Variants in CSMD3 observed in about 807,000 individuals in gnomAD.
CSMD3 encodes the protein CUB and sushi domain-containing protein 3.
A neutral mutation model predicts 435.2 loss-of-function variants in CSMD3; 177 were observed. That is an observed-to-expected ratio of 0.41 (90% CI 0.36 to 0.46). CSMD3 has a LOEUF of 0.46. CSMD3 is among the 20% of genes least tolerant of loss of function. The pLI, the probability that CSMD3 is intolerant of heterozygous loss-of-function variation, is 0.34. For synonymous variants in CSMD3, 1,656 were observed against 1,520.5 expected (o/e 1.09, Z -2.07); for missense variants, 4,265 against 4,504.6 (o/e 0.95, Z 1.52).
At chr8:113,192,985 T>C (rs2092606849) in intron 3 of CSMD3, among the ~76,000 whole-genome samples, 1 of 151,532 alleles carries the variant, frequency 6.6e-6, no homozygotes, top group African/African-American at 2.4e-5. Flanking sequence ...GTAGTGATTG[T>C]CTTGATTGCT....
At chr8:113,056,178 C>T (rs568518053) in intron 5 of CSMD3, among the ~76,000 whole-genome samples, 1 of 152,306 alleles carries the variant, frequency 6.6e-6, no homozygotes, top group South Asian at 2.1e-4. Context: ...ACAGAGGAAA[C>T]AGTGCTTGAG....
intron 41 of CSMD3, among the ~76,000 whole-genome samples, chr8:112,342,382 ATTAAT>A (rs1825209126): frequency 6.6e-6 from 1 of 152,122 alleles, no homozygotes; most frequent in Non-Finnish European, 1.5e-5. Flanking sequence ...TATTTGCTTA[ATTAAT>A]TTAACACTCA....
rs1385903908 is a variant in CSMD3 at position 112,337,536 on chromosome 8, A to C, written c.6841+7T>G. 2.5e-6 allele frequency: 4 copies of C among 1,610,804 alleles called. No individual in the cohort carries two copies. Among genetic ancestry groups the C allele is most frequent in the Non-Finnish European group, 3.4e-6 (4 of 1,177,120 alleles). ...ACCTAAAAGATAGCTTCAAGTTAGA[A>C]GCATACCTTCACACCTTGGAAGTGG... On this transcript the variant is annotated splice_region_variant and intron_variant, in intron 43 of 70. Coordinates refer to ENST00000297405, the MANE Select transcript of CSMD3 (RefSeq NM_198123.2).
chr8:112,732,368 A>G (rs1213446019), intron 13 of CSMD3, among the ~76,000 whole-genome samples: 2 of 152,082 alleles, frequency 1.3e-5, no homozygotes, highest in African/African-American at 4.8e-5. Flanking sequence ...TCACTAACTG[A>G]TAGTGGTTTT....
intron 1 of CSMD3, among the ~76,000 whole-genome samples, chr8:113,386,156 A>C (rs569563929): frequency 6.6e-6 from 1 of 152,044 alleles, no homozygotes; most frequent in Non-Finnish European, 1.5e-5. Context: ...ATGGAAATGC[A>C]GGAGAAGATG....
At chr8:113,163,382 G>C (rs2092082783) in intron 4 of CSMD3, among the ~76,000 whole-genome samples, 1 of 151,992 alleles carries the variant, frequency 6.6e-6, no homozygotes, top group African/African-American at 2.4e-5. Flanking sequence ...CTGTGTGTGT[G>C]AGAAATGCAA....
At chr8:113,399,981 T>C (rs1022960905) in intron 1 of CSMD3, among the ~76,000 whole-genome samples, 8 of 151,654 alleles carry the variant, frequency 5.3e-5, no homozygotes, top group African/African-American at 1.9e-4. Context: ...TATATATCAC[T>C]TTTGGTTAGA....
Position 112,506,507 on chromosome 8 carries a change from AAT to A in CSMD3, c.4895+182_4895+183del, listed in dbSNP as rs759482924. Among the ~76,000 whole-genome samples the A allele has an allele frequency of 4.6e-5, 7 of 152,280 alleles. No individual in the cohort carries two copies. The East Asian group carries it at 7.7e-4, about 17-fold the overall frequency. On this transcript the variant is annotated intron_variant, in intron 29 of 70. Coordinates refer to ENST00000297405, the MANE Select transcript of CSMD3 (RefSeq NM_198123.2). The stretch of plus-strand genomic sequence containing the variant: ...GGGAAAATGGAGGCTCACTCAAATA[AAT>A]AACTTGCCCAAGGTAACACAAATGA...
chr8:112,296,743 G>C (rs894752832), intron 53 of CSMD3, among the ~76,000 whole-genome samples: 1 of 151,820 alleles, frequency 6.6e-6, no homozygotes, highest in Non-Finnish European at 1.5e-5. Flanking sequence ...TAAAGCCAAA[G>C]TAAGTAGACA....
chr8:112,875,317 G>A (rs1236401411), intron 10 of CSMD3, among the ~76,000 whole-genome samples: 6 of 152,118 alleles, frequency 3.9e-5, no homozygotes, highest in Admixed American at 1.3e-4. Flanking sequence ...CCCTTTGTGG[G>A]TAACCCAACC....
intron 2 of CSMD3, among the ~76,000 whole-genome samples, chr8:113,291,400 A>C (rs1022467133): frequency 6.6e-6 from 1 of 151,884 alleles, no homozygotes; most frequent in African/African-American, 2.4e-5. Context: ...GGGGAATTAA[A>C]ATTTTCTTTT....
intron 1 of CSMD3, among the ~76,000 whole-genome samples, chr8:113,324,466 C>T (rs2093969943): frequency 6.6e-6 from 1 of 152,102 alleles, no homozygotes; most frequent in African/African-American, 2.4e-5. Flanking sequence ...AATGGAAGCT[C>T]CAAGCCTTGG....
intron 5 of CSMD3, among the ~76,000 whole-genome samples, chr8:113,034,144 G>A (rs572080690): frequency 6.6e-6 from 1 of 151,538 alleles, no homozygotes; most frequent in Non-Finnish European, 1.5e-5. Flanking sequence ...AGGAGTGTGA[G>A]AACAGACTAA....
At chr8:113,345,736 C>T (rs1755868313) in intron 1 of CSMD3, among the ~76,000 whole-genome samples, 1 of 152,186 alleles carries the variant, frequency 6.6e-6, no homozygotes, top group Admixed American at 6.6e-5. Flanking sequence ...ATCATCTCAA[C>T]ATCCCAGTGA....
At chr8:112,823,422 A>T (rs2079583930) in intron 12 of CSMD3, among the ~76,000 whole-genome samples, 1 of 152,138 alleles carries the variant, frequency 6.6e-6, no homozygotes, top group Non-Finnish European at 1.5e-5. Context: ...CAGGGTGTCA[A>T]TTTGAGATCT....
At chr8:112,918,837 C>T (rs2082647132) in intron 10 of CSMD3, among the ~76,000 whole-genome samples, 1 of 151,898 alleles carries the variant, frequency 6.6e-6, no homozygotes, top group Admixed American at 6.6e-5. Flanking sequence ...AATACACAGA[C>T]AGAAGCTATG....
intron 9 of CSMD3, among the ~76,000 whole-genome samples, chr8:112,936,540 T>C (rs2083286385): frequency 6.6e-6 from 1 of 152,106 alleles, no homozygotes; most frequent in South Asian, 2.1e-4. Flanking sequence ...ATATAGGTTT[T>C]CTTTATCTTT....
intron 3 of CSMD3, among the ~76,000 whole-genome samples, chr8:113,229,870 C>T (rs1323677769): frequency 1.3e-5 from 2 of 151,482 alleles, no homozygotes; most frequent in East Asian, 1.9e-4. Context: ...TATAATTTGA[C>T]CTGGTAATGC....
intron 35 of CSMD3, among the ~76,000 whole-genome samples, chr8:112,398,812 G>T (rs1051668150): frequency 2.0e-5 from 3 of 152,106 alleles, no homozygotes; most frequent in Admixed American, 6.5e-5. Flanking sequence ...CCTGGCTTCT[G>T]TTTAGATGGC....
Sources: gnomAD v4.1 joint callset for allele counts (sites outside exome capture counted in the v4.1 genomes callset) on GRCh38, gnomAD v4.1.1 for gene constraint, MANE v1.5 for transcripts, NCBI Gene and HGNC (gene_info 2026-07-23, HGNC 2026-07-21) for gene names.